Variants in ASH1L observed in about 807,000 individuals in gnomAD.
The protein encoded by ASH1L is ASH1 like histone lysine methyltransferase.
ASH1L carries 23 observed loss-of-function variants against 269.0 expected under a neutral mutation model. The observed-to-expected ratio is 0.09, with a 90% confidence interval of 0.06 to 0.12. ASH1L has a LOEUF of 0.12. Ranked by LOEUF, ASH1L falls within the 10% of genes least tolerant of loss-of-function variation. ASH1L has a pLI of 1.00. For synonymous variants in ASH1L, 1,187 were observed against 1,253.5 expected (o/e 0.95, Z 1.12); for missense variants, 2,912 against 3,567.8 (o/e 0.82, Z 4.68).
At chr1:155,413,186 CTTAACAGCTA>C (rs1659937512) in intron 6 of ASH1L, among the ~76,000 whole-genome samples, 1 of 150,538 alleles carries the variant, frequency 6.6e-6, no homozygotes. Context: ...TTTTTTTTTC[CTTAACAGCTA>C]TTAACACCTA....
intron 2 of ASH1L, 145 bp downstream of exon 2, chr1:155,520,955 G>A: frequency 1.3e-6 from 1 of 772,006 alleles, no homozygotes. Context: ...CAAGCCTTGG[G>A]GCTTATTTTA....
At chr1:155,459,218 C>T (rs1479851592) in intron 4 of ASH1L, among the ~76,000 whole-genome samples, 1 of 150,554 alleles carries the variant, frequency 6.6e-6, no homozygotes, top group African/African-American at 2.4e-5. Context: ...TTTTTTCAGA[C>T]AGAGTCTCAC....
At chr1:155,459,665 C>A in intron 4 of ASH1L, 132 bp downstream of exon 4, 1 of 701,720 alleles carries the variant, frequency 1.4e-6, no homozygotes, top group Non-Finnish European at 2.4e-6. Context: ...TGTTTCAACT[C>A]CTTTGAATGG....
chr1:155,369,601 C>T (rs1020842784), intron 12 of ASH1L, among the ~76,000 whole-genome samples: 4 of 152,002 alleles, frequency 2.6e-5, no homozygotes, highest in Admixed American at 2.0e-4. Context: ...CAATTAGATG[C>T]TAATCTATTT....
At chr1:155,513,571 CAAAAAA>C (rs767517719) in intron 2 of ASH1L, among the ~76,000 whole-genome samples, 2 of 83,008 alleles carry the variant, frequency 2.4e-5, no homozygotes, top group African/African-American at 4.0e-5. Flanking sequence ...GATCCTGTAT[CAAAAAA>C]AAAAAAAAAA....
intron 10 of ASH1L, among the ~76,000 whole-genome samples, chr1:155,378,022 CA>C (rs535973116): frequency 9.7e-5 from 11 of 113,978 alleles, no homozygotes; most frequent in Admixed American, 1.9e-4. Flanking sequence ...GACTCCGTCT[CA>C]AAAAAAAAAC....
chr1:155,511,135 C>T (rs564111724), intron 2 of ASH1L, among the ~76,000 whole-genome samples: 1 of 152,066 alleles, frequency 6.6e-6, no homozygotes. Context: ...AGCAGAATAA[C>T]CTTTTCTTAA....
chr1:155,378,679 G>A (rs987663423), intron 8 of ASH1L, 131 bp from the exon 9 acceptor site: 23 of 716,040 alleles, frequency 3.2e-5, no homozygotes, highest in Non-Finnish European at 5.1e-5. Flanking sequence ...GACATTTTGG[G>A]TTGGATACAT....
chr1:155,339,213 T>G, intron 26 of ASH1L, 115 bp downstream of exon 26: 1 of 928,024 alleles, frequency 1.1e-6, no homozygotes, highest in South Asian at 1.4e-5. Context: ...TGGGCTACTC[T>G]GCAGAGAATA....
At chr1:155,546,945 C>CTTTT (rs71080709) in intron 1 of ASH1L, among the ~76,000 whole-genome samples, 11 of 88,162 alleles carry the variant, frequency 1.2e-4, no homozygotes, top group African/African-American at 2.4e-4. Flanking sequence ...TCATCACATT[C>CTTTT]TTTTTTTTTT....
intron 1 of ASH1L, among the ~76,000 whole-genome samples, chr1:155,535,104 G>C (rs1269571929): frequency 6.6e-6 from 1 of 151,584 alleles, no homozygotes; most frequent in Non-Finnish European, 1.5e-5. Flanking sequence ...CAGGAGAATC[G>C]CTTGAACCCA....
intron 25 of ASH1L, among the ~76,000 whole-genome samples, chr1:155,340,777 A>ATTT (rs748634356): frequency 7.1e-6 from 1 of 141,404 alleles, no homozygotes; most frequent in Non-Finnish European, 1.5e-5. Flanking sequence ...TCTATACTTA[A>ATTT]TTTTTTTTTT....
intron 6 of ASH1L, among the ~76,000 whole-genome samples, chr1:155,412,884 T>G (rs1481488007): frequency 6.6e-6 from 1 of 150,742 alleles, no homozygotes; most frequent in African/African-American, 2.5e-5. Context: ...TACAGAAGTC[T>G]TCTGTGTGTT....
At chr1:155,510,297 C>G (rs1668081978) in intron 2 of ASH1L, among the ~76,000 whole-genome samples, 1 of 151,060 alleles carries the variant, frequency 6.6e-6, no homozygotes, top group African/African-American at 2.4e-5. Context: ...ACCTGTAATC[C>G]CAGCTACTCA....
At chr1:155,493,462 T>G (rs1011743942) in intron 2 of ASH1L, among the ~76,000 whole-genome samples, 2 of 152,234 alleles carry the variant, frequency 1.3e-5, no homozygotes, top group Non-Finnish European at 2.9e-5. Flanking sequence ...TTCTGCTGTT[T>G]CTTTTATTAA....
chr1:155,379,823 G>A (rs951805859), intron 8 of ASH1L, among the ~76,000 whole-genome samples: 1 of 152,160 alleles, frequency 6.6e-6, no homozygotes, highest in Admixed American at 6.5e-5. Flanking sequence ...GGTTGCCTAG[G>A]AAAGCAGGAA....
chr1:155,446,460 G>A (rs1178988675), intron 4 of ASH1L, among the ~76,000 whole-genome samples: 4 of 150,916 alleles, frequency 2.7e-5, no homozygotes, highest in African/African-American at 7.3e-5. Context: ...CACCACGCCC[G>A]GCTAATTTTT....
In ASH1L at chr1:155,336,093, T is replaced by C. The variant is rs1291975094; in HGVS notation, c.*1567A>G. ...TTAATAAAATATTTATTTTGCTTTT[T>C]CTCTGCTCAAGGGGATCATTGGCAT... On this transcript the variant is annotated 3_prime_UTR_variant, in exon 28 of 28. Coordinates refer to ENST00000392403, the MANE Select transcript of ASH1L (RefSeq NM_018489.3). 1.3e-5 allele frequency: 2 copies of C among 152,554 alleles called. No individual in the cohort carries two copies. Among genetic ancestry groups the C allele is most frequent in the Non-Finnish European group, 2.9e-5 (2 of 68,036 alleles). The allele number at this position is 152,554 out of a possible 1,614,324, so 9.5% of individuals were successfully genotyped here. A position where few individuals can be genotyped will look rare whatever the true frequency, so the allele number is the denominator to read the frequency against.
chr1:155,342,429 CA>C (rs2148319542), intron 24 of ASH1L, among the ~76,000 whole-genome samples: 1 of 152,264 alleles, frequency 6.6e-6, no homozygotes, highest in East Asian at 1.9e-4. Flanking sequence ...AGAACAGAGG[CA>C]TAAATTTGAG....
Sources: gnomAD v4.1 joint callset for allele counts (sites outside exome capture counted in the v4.1 genomes callset) on GRCh38, gnomAD v4.1.1 for gene constraint, MANE v1.5 for transcripts, NCBI Gene and HGNC (gene_info 2026-07-23, HGNC 2026-07-21) for gene names.